TEX14: variants seen among roughly 807,000 people sequenced by gnomAD.
TEX14 encodes the protein inactive serine/threonine-protein kinase TEX14.
A neutral mutation model predicts 178.6 loss-of-function variants in TEX14; 168 were observed. The ratio of observed to expected loss-of-function variants is 0.94; its 90% CI spans 0.83 to 1.07. TEX14 has a LOEUF of 1.07. Among genes scored for constraint, TEX14 ranks in the 50% least tolerant of loss-of-function variants. The pLI, the probability that TEX14 is intolerant of heterozygous loss-of-function variation, is 0.00. For missense variants in TEX14, 1,730 were observed against 1,753.6 expected, an observed-to-expected ratio of 0.99 and a Z score of 0.24; for synonymous variants, 626 against 634.1, an observed-to-expected ratio of 0.99 and a Z score of 0.19.
intron 1 of TEX14, among the ~76,000 whole-genome samples, chr17:58,665,866 T>G (rs1460214019): frequency 1.3e-5 from 2 of 151,856 alleles, no homozygotes; most frequent in African/African-American, 4.8e-5. Flanking sequence ...ACCAACGTAG[T>G]GAAAACTCGT....
chr17:58,556,829 G>T lies in TEX14; in HGVS notation c.*182C>A. ...TTCAGAAATCTGACTGAAAACAAATGGTTGAATGTGCTGCTAACAGAGAGG... is the reference window on the plus strand; with the variant it reads ...TTCAGAAATCTGACTGAAAACAAATTGTTGAATGTGCTGCTAACAGAGAGG... On this transcript the variant is annotated 3_prime_UTR_variant, in exon 32 of 32. Coordinates refer to ENST00000349033, the MANE Select transcript of TEX14 (RefSeq NM_031272.5). The T allele has an allele frequency of 1.9e-6, 1 of 512,882 alleles. No individual in the cohort carries two copies. The highest frequency in any genetic ancestry group is 3.9e-5 in the South Asian group (1 of 25,628). 31.8% of individuals were successfully genotyped at this position (512,882 alleles called of 1,614,324 possible).
At chr17:58,624,776 T>C (rs2046095542) in intron 3 of TEX14, among the ~76,000 whole-genome samples, 2 of 152,208 alleles carry the variant, frequency 1.3e-5, no homozygotes, top group Admixed American at 6.5e-5. Flanking sequence ...AGCTACATAG[T>C]ATGCCAATGA....
chr17:58,593,253 G>A (rs2045200486), intron 15 of TEX14, among the ~76,000 whole-genome samples: 1 of 152,110 alleles, frequency 6.6e-6, no homozygotes, highest in East Asian at 1.9e-4. Context: ...TGGAATACCT[G>A]GTGTTTGTTT....
chr17:58,579,784 T>C (rs893162509), intron 19 of TEX14, 53 bp from the exon 20 acceptor site: 1 of 1,321,416 alleles, frequency 7.6e-7, no homozygotes, highest in Non-Finnish European at 1.1e-6. Context: ...GAGGCAGACA[T>C]ATTAAAAGGT....
chr17:58,648,829 GC>G (rs1196861699), intron 2 of TEX14, among the ~76,000 whole-genome samples: 3 of 116,692 alleles, frequency 2.6e-5, no homozygotes, highest in African/African-American at 3.3e-5. Context: ...TCGCTCTGTT[GC>G]CCAGGCTGGA....
chr17:58,641,758 G>A (rs1444082347), intron 2 of TEX14, among the ~76,000 whole-genome samples: 1 of 152,054 alleles, frequency 6.6e-6, no homozygotes, highest in Non-Finnish European at 1.5e-5. Flanking sequence ...GCCTGCCTCG[G>A]CCTCCTCCCA....
At chr17:58,690,715 TTTTGGCCAG>T (rs1443810516) in intron 1 of TEX14, among the ~76,000 whole-genome samples, 1 of 152,184 alleles carries the variant, frequency 6.6e-6, no homozygotes, top group East Asian at 1.9e-4. Context: ...GCCAACCACA[TTTTGGCCAG>T]TCCTACAAGA....
chr17:58,641,419 CA>C (rs918098059), intron 2 of TEX14, among the ~76,000 whole-genome samples: 11 of 149,728 alleles, frequency 7.3e-5, no homozygotes, highest in Admixed American at 6.7e-4. Context: ...CAAAACAAAA[CA>C]AAAAAAAAGT....
At chr17:58,590,823 G>A (rs2045117692) in intron 15 of TEX14, among the ~76,000 whole-genome samples, 1 of 151,960 alleles carries the variant, frequency 6.6e-6, no homozygotes, top group Non-Finnish European at 1.5e-5. Flanking sequence ...CGAAAGTGCT[G>A]GGATTACAGG....
chr17:58,573,062 A>T (rs1310782424), intron 23 of TEX14, 119 bp downstream of exon 23: 1 of 1,422,514 alleles, frequency 7.0e-7, no homozygotes. Flanking sequence ...GCCCTAAAGA[A>T]AAACCTTTGC....
At chr17:58,686,843 T>C (rs998746648) in intron 1 of TEX14, among the ~76,000 whole-genome samples, 1 of 147,268 alleles carries the variant, frequency 6.8e-6, no homozygotes, top group Non-Finnish European at 1.5e-5. Context: ...CCAAACCCAC[T>C]TGAACATGAA....
chr17:58,665,549 T>G (rs2047188739), intron 1 of TEX14, among the ~76,000 whole-genome samples: 1 of 151,604 alleles, frequency 6.6e-6, no homozygotes, highest in South Asian at 2.1e-4. Flanking sequence ...TGAGCCGAGA[T>G]CGCGCCACTG....
chr17:58,570,341 C>A, intron 25 of TEX14, 44 bp downstream of exon 25: 1 of 1,300,562 alleles, frequency 7.7e-7, no homozygotes, highest in Non-Finnish European at 1.0e-6. Context: ...CAATTTAAGC[C>A]TCCTTGATTA....
intron 2 of TEX14, among the ~76,000 whole-genome samples, chr17:58,649,587 GCAGAATATT>G (rs1372213548): frequency 1.3e-5 from 2 of 152,028 alleles, no homozygotes; most frequent in Non-Finnish European, 2.9e-5. Flanking sequence ...ATTTGAAGAT[GCAGAATATT>G]CAGGAGATGT....
At chr17:58,591,537 T>A (rs950293418) in intron 15 of TEX14, among the ~76,000 whole-genome samples, 3 of 151,852 alleles carry the variant, frequency 2.0e-5, no homozygotes, top group African/African-American at 7.3e-5. Flanking sequence ...AAAAAATAAA[T>A]AAATAAAATG....
chr17:58,557,101 G>A, intron 31 of TEX14, 54 bp from the exon 32 acceptor site: 1 of 1,400,418 alleles, frequency 7.1e-7, no homozygotes, highest in Admixed American at 1.7e-5. Context: ...TGGTATGTGT[G>A]TTTTTTAAAG....
chr17:58,593,473 TA>T, intron 15 of TEX14, 81 bp downstream of exon 15: 1 of 1,046,422 alleles, frequency 9.6e-7, no homozygotes, highest in Non-Finnish European at 1.5e-6. Flanking sequence ...TCACTAGACA[TA>T]AGAAGATCAC....
At chr17:58,666,989 C>T (rs983887650) in intron 1 of TEX14, among the ~76,000 whole-genome samples, 5 of 152,218 alleles carry the variant, frequency 3.3e-5, no homozygotes, top group Non-Finnish European at 5.9e-5. Flanking sequence ...TTCCAACCAG[C>T]AGTTCCTTCT....
intron 1 of TEX14, among the ~76,000 whole-genome samples, chr17:58,683,364 C>T (rs916488532): frequency 2.0e-5 from 3 of 150,274 alleles, no homozygotes; most frequent in Admixed American, 1.3e-4. Flanking sequence ...CAAAGCAAGA[C>T]TCCATCCCCC....
Sources: allele counts gnomAD v4.1 joint callset (sites outside exome capture counted in the v4.1 genomes callset), GRCh38; gene constraint gnomAD v4.1.1; transcripts MANE v1.5; gene names NCBI Gene and HGNC (gene_info 2026-07-23, HGNC 2026-07-21).